CLIC5: variants seen among roughly 807,000 people sequenced by gnomAD.
The protein encoded by CLIC5 is CLIC family member 5.
In CLIC5, 20 loss-of-function variants were observed where a neutral mutation model predicts 24.7. That is an observed-to-expected ratio of 0.81 (90% CI 0.57 to 1.18). CLIC5 has a LOEUF of 1.18. Among genes scored for constraint, CLIC5 ranks in the 50% most tolerant of loss-of-function variants. CLIC5 has a pLI of 0.00. For synonymous variants in CLIC5, 159 were observed against 135.6 expected (o/e 1.17, Z -1.20); for missense variants, 341 against 326.1 (o/e 1.05, Z -0.35).
intron 1 of CLIC5, among the ~76,000 whole-genome samples, chr6:46,013,242 C>T (rs1202629982): frequency 3.3e-5 from 5 of 152,346 alleles, no homozygotes; most frequent in African/African-American, 1.2e-4. Flanking sequence ...CTTCAGTTAC[C>T]TGACACCATC....
chr6:46,026,758 G>A (rs1273375609), intron 1 of CLIC5, among the ~76,000 whole-genome samples: 1 of 152,142 alleles, frequency 6.6e-6, no homozygotes, highest in East Asian at 1.9e-4. Context: ...AGATCATAGT[G>A]CTCAAAATGC....
intron 4 of CLIC5, chr6:45,919,088 C>T: frequency 2.0e-6 from 2 of 985,414 alleles, no homozygotes; most frequent in Non-Finnish European, 2.4e-6. Flanking sequence ...GGAAAAACAA[C>T]AACAACTTTA....
the CLIC5 span, among the ~76,000 whole-genome samples, chr6:46,129,215 A>C: frequency 2.6e-5 from 4 of 152,230 alleles, no homozygotes; most frequent in African/African-American, 9.6e-5. Flanking sequence ...TTCTATACCA[A>C]GTTCTGTTTG....
intron 1 of CLIC5, among the ~76,000 whole-genome samples, chr6:46,004,634 C>T (rs1269068130): frequency 6.6e-6 from 1 of 152,182 alleles, no homozygotes; most frequent in Non-Finnish European, 1.5e-5. Flanking sequence ...CAGTGCCTGA[C>T]ATCTGAACAG....
the CLIC5 span, among the ~76,000 whole-genome samples, chr6:46,117,747 CACTT>C: frequency 6.6e-6 from 1 of 152,088 alleles, no homozygotes; most frequent in African/African-American, 2.4e-5. Flanking sequence ...AGAGGTGAGC[CACTT>C]TAGCAAGAAT....
intron 1 of CLIC5, among the ~76,000 whole-genome samples, chr6:46,073,214 G>A (rs571352826): frequency 6.6e-6 from 1 of 152,266 alleles, no homozygotes; most frequent in Non-Finnish European, 1.5e-5. Flanking sequence ...CTAATTAAGT[G>A]AGTCCAGCCA....
chr6:45,970,816 G>T (rs1366687175), intron 1 of CLIC5, among the ~76,000 whole-genome samples: 2 of 152,130 alleles, frequency 1.3e-5, no homozygotes, highest in Admixed American at 1.3e-4. Context: ...TCTCGATCTG[G>T]CATTCTGCAC....
chr6:45,913,649 G>GT, intron 5 of CLIC5: 1 of 532,294 alleles, frequency 1.9e-6, no homozygotes, highest in Non-Finnish European at 2.9e-6. Flanking sequence ...CCCAGGGTTT[G>GT]TTATATAGGA....
chr6:45,958,065 G>C (rs564891820), intron 1 of CLIC5, among the ~76,000 whole-genome samples: 1 of 152,058 alleles, frequency 6.6e-6, no homozygotes, highest in Non-Finnish European at 1.5e-5. Context: ...TGGGAAACAG[G>C]GTCCTTGCAG....
the CLIC5 span, among the ~76,000 whole-genome samples, chr6:46,107,086 A>T: frequency 6.6e-6 from 1 of 152,216 alleles, no homozygotes; most frequent in African/African-American, 2.4e-5. Context: ...TCAAATTTAC[A>T]TGATTTTAGT....
chr6:46,073,282 A>G (rs550221502), intron 1 of CLIC5, among the ~76,000 whole-genome samples: 1 of 152,254 alleles, frequency 6.6e-6, no homozygotes, highest in South Asian at 2.1e-4. Flanking sequence ...TAAAATAACA[A>G]TCAAAACCTT....
the CLIC5 span, among the ~76,000 whole-genome samples, chr6:46,124,180 C>G: frequency 6.6e-6 from 1 of 152,220 alleles, no homozygotes; most frequent in Non-Finnish European, 1.5e-5. Context: ...TGACTTCAAA[C>G]TAGACTACAA....
At chr6:46,072,807 G>A (rs1762647741) in intron 1 of CLIC5, among the ~76,000 whole-genome samples, 1 of 152,144 alleles carries the variant, frequency 6.6e-6, no homozygotes, top group South Asian at 2.1e-4. Context: ...GAGTACCCAG[G>A]CAGGGAAAGT....
At chr6:45,918,991 C>T (rs1215157742) in intron 4 of CLIC5, 2 of 985,318 alleles carry the variant, frequency 2.0e-6, no homozygotes, top group East Asian at 2.3e-4. Flanking sequence ...ACCATTCAAA[C>T]TACTCCTGGG....
intron 3 of CLIC5, among the ~76,000 whole-genome samples, chr6:45,944,649 G>A (rs753723829): frequency 4.0e-5 from 6 of 151,414 alleles, no homozygotes; most frequent in Non-Finnish European, 7.4e-5. Flanking sequence ...CTGGTTTAGA[G>A]TCCCAGCTGA....
rs186697517 is a variant in CLIC5 at position 45,920,177 on chromosome 6, C to T, written c.407-5768G>A. 1.1e-4 allele frequency: 103 copies of T among 979,210 alleles called. 1 individual carries two copies. In the East Asian group the frequency reaches 5.8e-3, roughly 55 times the overall value. 60.7% of individuals were successfully genotyped at this position (979,210 alleles called of 1,614,324 possible). A position where few individuals can be genotyped will look rare whatever the true frequency, so the allele number is the denominator to read the frequency against. On this transcript the variant is annotated intron_variant, in intron 4 of 5. Coordinates refer to ENST00000339561, the MANE Select transcript of CLIC5 (RefSeq NM_016929.5). ...GTGTTCTGCTACCAGTGCTTGATTTCAGATATAATTCTTAGTACTTTCAGC... is the reference window on the plus strand; with the variant it reads ...GTGTTCTGCTACCAGTGCTTGATTTTAGATATAATTCTTAGTACTTTCAGC...
intron 1 of CLIC5, among the ~76,000 whole-genome samples, chr6:45,959,594 A>G (rs767272021): frequency 1.3e-5 from 2 of 150,882 alleles, no homozygotes; most frequent in African/African-American, 4.9e-5. Flanking sequence ...GCTGGAGTGC[A>G]GTGGCGCGAT....
At chr6:45,926,116 C>A (rs532381252) in intron 4 of CLIC5, among the ~76,000 whole-genome samples, 2 of 151,916 alleles carry the variant, frequency 1.3e-5, no homozygotes, top group African/African-American at 4.8e-5. Context: ...GTGGCTCAAC[C>A]CTCCCCTCCC....
chr6:45,952,322 T>C (rs1291780473), intron 2 of CLIC5, among the ~76,000 whole-genome samples: 2 of 152,216 alleles, frequency 1.3e-5, no homozygotes, highest in Non-Finnish European at 2.9e-5. Context: ...CCAGGTATGA[T>C]TTATGAATTA....
Sources: gnomAD v4.1 joint callset for allele counts (sites outside exome capture counted in the v4.1 genomes callset) on GRCh38, gnomAD v4.1.1 for gene constraint, MANE v1.5 for transcripts, NCBI Gene and HGNC (gene_info 2026-07-23, HGNC 2026-07-21) for gene names.